Variants in SLC35D1 observed in about 807,000 individuals in gnomAD.
The protein encoded by SLC35D1 is solute carrier family 35 member D1.
SLC35D1 carries 31 observed loss-of-function variants against 46.7 expected under a neutral mutation model. The ratio of observed to expected loss-of-function variants is 0.66; its 90% CI spans 0.50 to 0.90. The LOEUF (loss-of-function observed/expected upper bound fraction) is 0.90. Among genes scored for constraint, SLC35D1 ranks in the 40% least tolerant of loss-of-function variants. SLC35D1 has a pLI of 0.00. For missense variants in SLC35D1, 397 were observed against 426.2 expected (o/e 0.93, Z 0.60); for synonymous variants, 195 against 164.6 (o/e 1.18, Z -1.41).
At chr1:66,975,988 T>TG in the SLC35D1 span, among the ~76,000 whole-genome samples, 555 of 97,086 alleles carry the variant, frequency 5.7e-3, 5 homozygotes, top group African/African-American at 0.016. Context: ...CAGGCCTTTT[T>TG]TTTGTGTGTG....
At chr1:66,974,600 T>C in the SLC35D1 span, among the ~76,000 whole-genome samples, 7 of 152,264 alleles carry the variant, frequency 4.6e-5, no homozygotes, top group East Asian at 1.9e-4. Flanking sequence ...TAAGAAATTA[T>C]AGGTGACTTG....
At chr1:67,033,015 GCCTT>G (rs1340407426) in intron 8 of SLC35D1, among the ~76,000 whole-genome samples, 1 of 152,030 alleles carries the variant, frequency 6.6e-6, no homozygotes. Context: ...TTCTGTGCCT[GCCTT>G]ATTTCCTTAA....
chr1:67,012,318 A>T (rs1667582351), intron 10 of SLC35D1, among the ~76,000 whole-genome samples: 1 of 152,262 alleles, frequency 6.6e-6, no homozygotes, highest in Admixed American at 6.5e-5. Flanking sequence ...TGATAATTAG[A>T]ATCTTTCACT....
At chr1:67,004,516 T>A in intron 11 of SLC35D1, 68 bp from the exon 12 acceptor site, 1 of 1,371,696 alleles carries the variant, frequency 7.3e-7, no homozygotes. Flanking sequence ...CTCTACTCAG[T>A]AAAAAAACTT....
At chr1:66,983,928 A>G in the SLC35D1 span, among the ~76,000 whole-genome samples, 6 of 152,000 alleles carry the variant, frequency 3.9e-5, no homozygotes, top group East Asian at 1.9e-4. Flanking sequence ...TTTTCACCCT[A>G]TTGGCCAGGC....
At chr1:67,022,129 T>C (rs938080963) in intron 8 of SLC35D1, among the ~76,000 whole-genome samples, 4 of 152,144 alleles carry the variant, frequency 2.6e-5, no homozygotes, top group Admixed American at 1.3e-4. Flanking sequence ...AAACAAGGTA[T>C]TTTGTGTTGT....
At chr1:67,005,490 A>G (rs1031881164) in intron 11 of SLC35D1, among the ~76,000 whole-genome samples, 1 of 152,178 alleles carries the variant, frequency 6.6e-6, no homozygotes, top group African/African-American at 2.4e-5. Flanking sequence ...CTGAGACTCC[A>G]ATCAACCCAA....
the SLC35D1 span, among the ~76,000 whole-genome samples, chr1:66,981,467 C>T: frequency 2.0e-5 from 3 of 152,156 alleles, no homozygotes; most frequent in African/African-American, 7.2e-5. Flanking sequence ...ACCCCTATCA[C>T]TTCAGTTAAG....
At chr1:67,015,448 G>A (rs1439793273) in intron 10 of SLC35D1, among the ~76,000 whole-genome samples, 2 of 151,834 alleles carry the variant, frequency 1.3e-5, no homozygotes, top group Non-Finnish European at 2.9e-5. Context: ...GGAGTGCAGT[G>A]GCGTGATCTC....
At chr1:66,985,803 A>T in the SLC35D1 span, 5 of 867,410 alleles carry the variant, frequency 5.8e-6, no homozygotes, top group Non-Finnish European at 6.9e-6. Flanking sequence ...GCATTCATAA[A>T]GGATTATAAA....
At chr1:66,972,987 A>G in the SLC35D1 span, 2 of 1,575,822 alleles carry the variant, frequency 1.3e-6, no homozygotes, top group Non-Finnish European at 8.7e-7. Context: ...ATTCAGGCTA[A>G]TAAAGTAAGT....
the SLC35D1 span, among the ~76,000 whole-genome samples, chr1:66,982,486 G>A: frequency 6.6e-6 from 1 of 152,196 alleles, no homozygotes; most frequent in Non-Finnish European, 1.5e-5. Flanking sequence ...TAGTGTTTCC[G>A]TTTAAAATAT....
intron 8 of SLC35D1, among the ~76,000 whole-genome samples, chr1:67,037,382 C>G (rs1246784224): frequency 6.6e-6 from 1 of 152,000 alleles, no homozygotes; most frequent in Non-Finnish European, 1.5e-5. Flanking sequence ...AAGATTAGCA[C>G]AAAAACTACA....
intron 8 of SLC35D1, among the ~76,000 whole-genome samples, chr1:67,027,378 T>C (rs1316036560): frequency 1.3e-5 from 2 of 152,176 alleles, no homozygotes; most frequent in Non-Finnish European, 2.9e-5. Flanking sequence ...TTGATTTCTA[T>C]TCTTATCTTA....
At chr1:67,046,044 A>C in intron 7 of SLC35D1, among the ~76,000 whole-genome samples, 1 of 152,188 alleles carries the variant, frequency 6.6e-6, no homozygotes, top group South Asian at 2.1e-4. Context: ...TGTAACCATC[A>C]TATAGATTCA....
the SLC35D1 span, among the ~76,000 whole-genome samples, chr1:66,989,865 C>G: frequency 1.3e-5 from 2 of 152,164 alleles, no homozygotes; most frequent in Non-Finnish European, 2.9e-5. Flanking sequence ...TTGATCTGAG[C>G]CACTTTAAAT....
chr1:67,030,439 C>T (rs574360990), intron 8 of SLC35D1, among the ~76,000 whole-genome samples: 1 of 152,192 alleles, frequency 6.6e-6, no homozygotes, highest in East Asian at 1.9e-4. Context: ...ACCTTAGTTT[C>T]TACATATGTA....
the SLC35D1 span, among the ~76,000 whole-genome samples, chr1:66,991,458 T>C: frequency 6.6e-6 from 1 of 152,206 alleles, no homozygotes; most frequent in Admixed American, 6.5e-5. Context: ...CAGAGCCCTT[T>C]ATTTCCATCC....
intron 6 of SLC35D1, among the ~76,000 whole-genome samples, chr1:67,048,440 T>G (rs1395048997): frequency 1.3e-5 from 2 of 152,242 alleles, no homozygotes; most frequent in Non-Finnish European, 2.9e-5. Context: ...CATAGAATTT[T>G]TCTCCAAGGG....
Sources: allele counts gnomAD v4.1 joint callset (sites outside exome capture counted in the v4.1 genomes callset), GRCh38; gene constraint gnomAD v4.1.1; transcripts MANE v1.5; gene names NCBI Gene and HGNC (gene_info 2026-07-23, HGNC 2026-07-21).